Variants in LYRM7 observed in about 807,000 individuals in gnomAD.
The protein encoded by LYRM7 is LYR motif containing 7.
LYRM7 carries 9 observed loss-of-function variants against 15.8 expected under a neutral mutation model. The ratio of observed to expected loss-of-function variants is 0.57; its 90% CI spans 0.34 to 0.99. LYRM7 has a LOEUF of 0.99. Among genes scored for constraint, LYRM7 ranks in the 50% least tolerant of loss-of-function variants. The pLI is 0.02. For missense variants in LYRM7, 115 were observed against 119.1 expected (o/e 0.97, Z 0.16); for synonymous variants, 39 against 39.4 (o/e 0.99, Z 0.04).
chr5:131,191,189 A>G (rs1246598289), intron 4 of LYRM7, among the ~76,000 whole-genome samples: 1 of 151,778 alleles, frequency 6.6e-6, no homozygotes, highest in African/African-American at 2.4e-5. Context: ...ACACATATAT[A>G]TACATATATA....
At chr5:131,172,046 T>C (rs539674684) in intron 1 of LYRM7, among the ~76,000 whole-genome samples, 1 of 152,358 alleles carries the variant, frequency 6.6e-6, no homozygotes, top group South Asian at 2.1e-4. Context: ...AACAGTTATT[T>C]AATTACAGTT....
intron 4 of LYRM7, among the ~76,000 whole-genome samples, chr5:131,195,195 G>A (rs1459995920): frequency 6.6e-6 from 1 of 152,088 alleles, no homozygotes; most frequent in Non-Finnish European, 1.5e-5. Context: ...TTGAACATGG[G>A]AGGCAGAGGT....
chr5:131,192,232 A>G (rs1272235114), intron 4 of LYRM7, among the ~76,000 whole-genome samples: 4 of 152,144 alleles, frequency 2.6e-5, no homozygotes, highest in Admixed American at 2.0e-4. Context: ...AAAAAGTTCA[A>G]CTTATAGAAA....
Position 131,199,748 on chromosome 5 carries a change from T to G in LYRM7, c.*147T>G, listed in dbSNP as rs1756028373. On this transcript the variant is annotated 3_prime_UTR_variant, in exon 5 of 5. Transcript: ENST00000379380. ...ATAGCTTCATATTTAAATTTCATGT[T>G]AAAAGGTCATTACTGAGAACTAAAG... 2.1e-6 allele frequency: 1 copy of G among 474,130 alleles called. No homozygotes were observed. Among genetic ancestry groups the G allele is most frequent in the East Asian group, 3.4e-5 (1 of 29,634 alleles). The allele number at this position is 474,130 out of a possible 1,614,324, so 29.4% of individuals were successfully genotyped here.
chr5:131,192,453 A>C (rs915625193), intron 4 of LYRM7, among the ~76,000 whole-genome samples: 1 of 152,226 alleles, frequency 6.6e-6, no homozygotes, highest in Admixed American at 6.5e-5. Context: ...GAAATGATCA[A>C]TAAGGTCATA....
intron 4 of LYRM7, among the ~76,000 whole-genome samples, chr5:131,196,544 A>T (rs1434675323): frequency 1.3e-5 from 2 of 152,044 alleles, no homozygotes; most frequent in Non-Finnish European, 2.9e-5. Context: ...TGCAGATGTG[A>T]TATGACAAGC....
intron 1 of LYRM7, among the ~76,000 whole-genome samples, chr5:131,177,352 A>C (rs1755617682): frequency 6.6e-6 from 1 of 152,046 alleles, no homozygotes; most frequent in South Asian, 2.1e-4. Flanking sequence ...CTGGGTTCCC[A>C]TGTCTTTTCC....
intron 4 of LYRM7, among the ~76,000 whole-genome samples, chr5:131,196,102 C>CTTTT (rs561484173): frequency 1.5e-5 from 2 of 131,014 alleles, no homozygotes; most frequent in South Asian, 2.5e-4. Flanking sequence ...TTCTCCTGTT[C>CTTTT]TTTTTTTTTT....
At chr5:131,175,910 C>G (rs1472169671) in intron 1 of LYRM7, among the ~76,000 whole-genome samples, 1 of 152,030 alleles carries the variant, frequency 6.6e-6, no homozygotes, top group Non-Finnish European at 1.5e-5. Flanking sequence ...AGGTGCCCAC[C>G]ACCACACCAG....
At chr5:131,192,467 A>G (rs756828078) in intron 4 of LYRM7, among the ~76,000 whole-genome samples, 30 of 152,226 alleles carry the variant, frequency 2.0e-4, no homozygotes, top group Non-Finnish European at 3.8e-4. Flanking sequence ...GGTCATAGAT[A>G]TGCTAATTAC....
Position 131,203,915 on chromosome 5 carries a change from AAAG to A in LYRM7, c.*4320_*4322del, listed in dbSNP as rs1427031302. The A allele has an allele frequency of 6.6e-6, 1 of 152,354 alleles. No individual in the cohort carries two copies. The highest frequency in any genetic ancestry group is 1.5e-5 in the Non-Finnish European group (1 of 68,040). 9.4% of individuals were successfully genotyped at this position (152,354 alleles called of 1,614,324 possible). On this transcript the variant is annotated 3_prime_UTR_variant, in exon 5 of 5. Transcript: ENST00000379380. Reference sequence around the variant, plus strand: ...AAATGATACAAATAAGAAATTCACAAAAGAAGAAATACTAAGTCTCTAGTGATG... The same window carrying A: ...AAATGATACAAATAAGAAATTCACAAAAGAAATACTAAGTCTCTAGTGATG...
At chr5:131,188,212 A>G (rs373667496) in intron 4 of LYRM7, among the ~76,000 whole-genome samples, 2 of 152,116 alleles carry the variant, frequency 1.3e-5, no homozygotes, top group East Asian at 1.9e-4. Context: ...AGCCGCGAGT[A>G]TGCCACTGTA....
intron 4 of LYRM7, among the ~76,000 whole-genome samples, chr5:131,198,222 A>G (rs1003160223): frequency 1.3e-5 from 2 of 152,190 alleles, no homozygotes; most frequent in Non-Finnish European, 2.9e-5. Context: ...ATGTAACTGC[A>G]ATATAATGAC....
intron 4 of LYRM7, among the ~76,000 whole-genome samples, chr5:131,192,761 AT>A (rs553435608): frequency 1.5e-4 from 23 of 152,216 alleles, no homozygotes; most frequent in Middle Eastern, 3.4e-3. Flanking sequence ...ACAAATCATA[AT>A]TTTTTATTCA....
chr5:131,189,374 C>T (rs899768371), intron 4 of LYRM7, among the ~76,000 whole-genome samples: 38 of 125,142 alleles, frequency 3.0e-4, no homozygotes, highest in African/African-American at 7.7e-4. Context: ...ACCCGGGAGG[C>T]GGAGCTTGCA....
At chr5:131,186,160 TA>T (rs995083816) in intron 3 of LYRM7, among the ~76,000 whole-genome samples, 98 of 152,268 alleles carry the variant, frequency 6.4e-4, no homozygotes, top group African/African-American at 2.2e-3. Flanking sequence ...AAGTACATAT[TA>T]TTTGATGAGG....
chr5:131,183,123 T>TAA (rs33937900), intron 3 of LYRM7, among the ~76,000 whole-genome samples: 1 of 151,538 alleles, frequency 6.6e-6, no homozygotes, highest in Non-Finnish European at 1.5e-5. Context: ...TCCAGATGTT[T>TAA]AAAAAAAACT....
intron 4 of LYRM7, among the ~76,000 whole-genome samples, chr5:131,187,723 T>A (rs1755820304): frequency 6.6e-6 from 1 of 151,996 alleles, no homozygotes; most frequent in African/African-American, 2.4e-5. Context: ...TGACCTCAGG[T>A]GATCCACCTG....
At chr5:131,190,163 AAG>A (rs1181949414) in intron 4 of LYRM7, among the ~76,000 whole-genome samples, 11 of 151,808 alleles carry the variant, frequency 7.2e-5, no homozygotes, top group Middle Eastern at 3.4e-3. Context: ...AAGAAAAAAA[AAG>A]AAATTATTAG....
Sources: gnomAD v4.1 joint callset for allele counts (sites outside exome capture counted in the v4.1 genomes callset) on GRCh38, gnomAD v4.1.1 for gene constraint, MANE v1.5 for transcripts, NCBI Gene and HGNC (gene_info 2026-07-23, HGNC 2026-07-21) for gene names.